Variants in SEC24D observed in about 807,000 individuals in gnomAD.
SEC24D encodes the protein SEC24 homolog D, COPII component, also known as protein transport protein Sec24D.
Under a neutral mutation model 116.9 loss-of-function variants are expected in SEC24D, and 69 were observed. That is an observed-to-expected ratio of 0.59 (90% CI 0.49 to 0.72). The LOEUF (loss-of-function observed/expected upper bound fraction) is 0.72. Among genes scored for constraint, SEC24D ranks in the 30% least tolerant of loss-of-function variants. The probability of loss-of-function intolerance (pLI) is 0.00; values close to 1 mark genes in which losing one functional copy is unlikely to be tolerated. For synonymous variants in SEC24D, 405 were observed against 442.8 expected (o/e 0.91, Z 1.07); for missense variants, 1,131 against 1,264.1 (o/e 0.89, Z 1.60).
At chr4:118,729,998 C>T (rs1192887346) in intron 21 of SEC24D, 1 of 152,176 alleles carries the variant, frequency 6.6e-6, no homozygotes, top group Non-Finnish European at 1.5e-5. Context: ...AAGTAGCTTA[C>T]ATTTGGTTTT....
intron 6 of SEC24D, among the ~76,000 whole-genome samples, chr4:118,812,552 G>A (rs1729962727): frequency 6.6e-6 from 1 of 152,168 alleles, no homozygotes; most frequent in African/African-American, 2.4e-5. Flanking sequence ...GAGGGAGAAT[G>A]CCAGTGGAAG....
At chr4:118,745,993 T>C (rs888921339) in intron 13 of SEC24D, among the ~76,000 whole-genome samples, 4 of 152,020 alleles carry the variant, frequency 2.6e-5, no homozygotes, top group African/African-American at 4.8e-5. Flanking sequence ...CCAGGCAACA[T>C]AGTGAGACTC....
At chr4:118,797,484 T>A (rs1203501050) in intron 8 of SEC24D, among the ~76,000 whole-genome samples, 199 bp downstream of exon 8, 1 of 152,224 alleles carries the variant, frequency 6.6e-6, no homozygotes, top group African/African-American at 2.4e-5. Context: ...TCCATCTGTA[T>A]TTGGTGTACA....
chr4:118,798,378 C>A (rs1729273885), intron 7 of SEC24D, among the ~76,000 whole-genome samples: 1 of 152,150 alleles, frequency 6.6e-6, no homozygotes, highest in Non-Finnish European at 1.5e-5. Flanking sequence ...ACACCCTAAA[C>A]TATTTTTAAT....
chr4:118,726,113 T>G (rs142152303), intron 22 of SEC24D, among the ~76,000 whole-genome samples: 6 of 152,314 alleles, frequency 3.9e-5, no homozygotes, highest in African/African-American at 1.4e-4. Flanking sequence ...CCAGAGGTCT[T>G]AAAGAATTAA....
Position 118,733,244 on chromosome 4 carries a change from G to GTT in SEC24D, c.2497-334_2497-333dup, listed in dbSNP as rs34557737. 608 of 162,380 alleles carry GTT rather than the reference G, an allele frequency of 3.7e-3. 3 individuals carry two copies. The highest frequency in any genetic ancestry group is 8.6e-3 in the African/African-American group (338 of 39,396). 10.1% of individuals were successfully genotyped at this position (162,380 alleles called of 1,614,324 possible). A position where few individuals can be genotyped will look rare whatever the true frequency, so the allele number is the denominator to read the frequency against. On this transcript the variant is annotated intron_variant, in intron 19 of 22. Coordinates refer to ENST00000280551, the MANE Select transcript of SEC24D (RefSeq NM_014822.4). ...TTACTTACCCTGTCTTTTTCTCAGTGTTTTTTTTTTTTAGCTGAATATGGA... is the reference window on the plus strand; with the variant it reads ...TTACTTACCCTGTCTTTTTCTCAGTGTTTTTTTTTTTTTTAGCTGAATATGGA...
chr4:118,755,262 T>A (rs1312403606), intron 11 of SEC24D, among the ~76,000 whole-genome samples: 1 of 152,016 alleles, frequency 6.6e-6, no homozygotes, highest in Non-Finnish European at 1.5e-5. Context: ...TTTTGTGAAG[T>A]TATATAAGAG....
chr4:118,796,734 G>A (rs942543985), intron 8 of SEC24D, among the ~76,000 whole-genome samples: 3 of 152,152 alleles, frequency 2.0e-5, no homozygotes, highest in Non-Finnish European at 4.4e-5. Flanking sequence ...CCCAAGAAAG[G>A]GAACGAATCT....
rs1224683588 is a variant in SEC24D at position 118,762,150 on chromosome 4, C to T, written c.1296+2652G>A. ...ATGGAGACTTCACATTTCAAGTACA[C>T]TTTACATGCAGATATATTCCATAAA... On this transcript the variant is annotated intron_variant, in intron 10 of 22. Coordinates refer to ENST00000280551, the MANE Select transcript of SEC24D (RefSeq NM_014822.4). Among the ~76,000 whole-genome samples the T allele has an allele frequency of 2.0e-5, 3 of 151,118 alleles. No homozygotes were observed. In the East Asian group the frequency reaches 5.8e-4, roughly 29 times the overall value.
intron 11 of SEC24D, among the ~76,000 whole-genome samples, chr4:118,756,039 A>G (rs1426820): frequency 0.99 from 150,456 of 152,224 alleles, 74,375 homozygotes; most frequent in Middle Eastern, 1. Flanking sequence ...TATCACCAGC[A>G]TTGATAAGGA....
intron 6 of SEC24D, among the ~76,000 whole-genome samples, chr4:118,814,586 A>T (rs1040430122): frequency 1.1e-4 from 16 of 152,138 alleles, no homozygotes; most frequent in Non-Finnish European, 8.8e-5. Flanking sequence ...ACTTTACATT[A>T]AAAAAAATTT....
intron 3 of SEC24D, among the ~76,000 whole-genome samples, chr4:118,818,121 T>A (rs535264797): frequency 6.6e-6 from 1 of 152,338 alleles, no homozygotes; most frequent in South Asian, 2.1e-4. Flanking sequence ...TTTTTTCTTG[T>A]TCTGCATTAA....
intron 8 of SEC24D, among the ~76,000 whole-genome samples, chr4:118,780,281 A>G (rs1728337639): frequency 6.6e-6 from 1 of 152,202 alleles, no homozygotes; most frequent in Non-Finnish European, 1.5e-5. Flanking sequence ...TATGTGTCCC[A>G]GAGATTCTGG....
At chr4:118,791,793 C>T (rs991345829) in intron 8 of SEC24D, among the ~76,000 whole-genome samples, 1 of 152,156 alleles carries the variant, frequency 6.6e-6, no homozygotes, top group South Asian at 2.1e-4. Context: ...CCCAAAGTGC[C>T]GGGATTGCAG....
intron 12 of SEC24D, 113 bp from the exon 13 acceptor site, chr4:118,752,202 C>T: frequency 1.5e-6 from 1 of 675,262 alleles, no homozygotes; most frequent in South Asian, 2.0e-5. Context: ...TATTTGACAC[C>T]AACACCTATA....
intron 3 of SEC24D, among the ~76,000 whole-genome samples, chr4:118,821,282 A>C (rs1263201757): frequency 1.3e-5 from 2 of 152,234 alleles, no homozygotes; most frequent in Non-Finnish European, 2.9e-5. Context: ...CAATTTGGGA[A>C]GATGGGTCCA....
chr4:118,812,682 A>G (rs1423564880), intron 6 of SEC24D, among the ~76,000 whole-genome samples: 3 of 152,044 alleles, frequency 2.0e-5, no homozygotes, highest in African/African-American at 7.3e-5. Context: ...ACCTGCTGAG[A>G]GCTACTTCTA....
chr4:118,764,654 T>C (rs1727550376), intron 10 of SEC24D, 148 bp downstream of exon 10: 2 of 519,346 alleles, frequency 3.9e-6, no homozygotes, highest in Admixed American at 3.5e-5. Flanking sequence ...ACCTAGGAGA[T>C]GGGATCTGTG....
At chr4:118,822,530 C>A (rs1476665236) in intron 3 of SEC24D, among the ~76,000 whole-genome samples, 2 of 152,096 alleles carry the variant, frequency 1.3e-5, no homozygotes, top group Non-Finnish European at 2.9e-5. Context: ...CTTTGCACTT[C>A]TTTCTTTTTA....
Sources: allele counts gnomAD v4.1 joint callset (sites outside exome capture counted in the v4.1 genomes callset), GRCh38; gene constraint gnomAD v4.1.1; transcripts MANE v1.5; gene names NCBI Gene and HGNC (gene_info 2026-07-23, HGNC 2026-07-21).